The following THEMIS variants were observed in gnomAD, a reference collection of about 807,000 sequenced individuals.
THEMIS encodes protein THEMIS.
Under a neutral mutation model 52.6 loss-of-function variants are expected in THEMIS, and 37 were observed. The ratio of observed to expected loss-of-function variants is 0.70; its 90% CI spans 0.54 to 0.93. THEMIS has a LOEUF of 0.93. THEMIS is among the 40% of genes least tolerant of loss of function. The pLI is 0.00. For synonymous variants in THEMIS, 292 were observed against 272.7 expected, an observed-to-expected ratio of 1.07 and a Z score of -0.70; for missense variants, 808 against 763.1, an observed-to-expected ratio of 1.06 and a Z score of -0.69.
chr6:127,892,238 C>G (rs1391429234), intron 1 of THEMIS, among the ~76,000 whole-genome samples: 1 of 152,164 alleles, frequency 6.6e-6, no homozygotes, highest in East Asian at 1.9e-4. Context: ...CTTATCCAGA[C>G]CAAGCAAGCT....
At chr6:127,891,538 C>CAAAAAAAAAAA (rs67886431) in intron 1 of THEMIS, among the ~76,000 whole-genome samples, 24 of 96,826 alleles carry the variant, frequency 2.5e-4, no homozygotes, top group Non-Finnish European at 3.7e-4. Flanking sequence ...TCCAGCTCAA[C>CAAAAAAAAAAA]AAAAAAAAAA....
intron 1 of THEMIS, among the ~76,000 whole-genome samples, chr6:127,907,429 T>A (rs1267634689): frequency 6.9e-6 from 1 of 144,012 alleles, no homozygotes; most frequent in Non-Finnish European, 1.5e-5. Context: ...AAGATTTGTA[T>A]CTCATAGATT....
intron 1 of THEMIS, among the ~76,000 whole-genome samples, chr6:127,870,909 C>A (rs6925608): frequency 0.014 from 2,175 of 152,190 alleles, 54 homozygotes; most frequent in African/African-American, 0.05. Flanking sequence ...CTTCAACACC[C>A]CTCTTTCAAC....
intron 1 of THEMIS, among the ~76,000 whole-genome samples, chr6:127,877,959 G>C (rs959202382): frequency 6.6e-6 from 1 of 152,194 alleles, no homozygotes; most frequent in Non-Finnish European, 1.5e-5. Flanking sequence ...GAAAATGCTA[G>C]TTCTCATTTG....
At chr6:127,736,851 C>CAAAAAAAA (rs3057968) in intron 4 of THEMIS, among the ~76,000 whole-genome samples, 8 of 104,850 alleles carry the variant, frequency 7.6e-5, no homozygotes, top group African/African-American at 1.1e-4. Flanking sequence ...ACCAAATGAT[C>CAAAAAAAA]AAAAAAAAAA....
At chr6:127,730,153 G>C (rs1308526313) in intron 4 of THEMIS, among the ~76,000 whole-genome samples, 2 of 151,864 alleles carry the variant, frequency 1.3e-5, no homozygotes, top group Non-Finnish European at 2.9e-5. Context: ...TGTAGTCCCA[G>C]CTACTCAGGA....
At chr6:127,754,727 T>C (rs1775762683) in intron 4 of THEMIS, among the ~76,000 whole-genome samples, 4 of 152,014 alleles carry the variant, frequency 2.6e-5, no homozygotes, top group Admixed American at 2.6e-4. Context: ...AAAGAGGAGT[T>C]AATATAAGGA....
chr6:127,706,188 A>G (rs980892108), downstream of THEMIS, among the ~76,000 whole-genome samples: 4 of 151,804 alleles, frequency 2.6e-5, no homozygotes, highest in African/African-American at 9.7e-5. Flanking sequence ...CCTTGATGTA[A>G]TATTTTATAT....
At chr6:127,741,640 T>A (rs552269062) in intron 4 of THEMIS, among the ~76,000 whole-genome samples, 76 of 152,342 alleles carry the variant, frequency 5.0e-4, no homozygotes, top group African/African-American at 1.8e-3. Context: ...CCTGTGGAAG[T>A]CATTTATGGT....
In THEMIS at chr6:127,787,922, TA is replaced by T. The variant is rs569157899; in HGVS notation, c.1758+24960del. On this transcript the variant is annotated intron_variant, in intron 4 of 5. Coordinates refer to ENST00000368248, the MANE Select transcript of THEMIS (RefSeq NM_001010923.3). ...ATAGATAGATAGATAGATAGATAAA[TA>T]GATGCTCTTCTGGTAATAAACACAA... is the stretch of plus-strand genomic sequence containing the variant. 5.9e-5 allele frequency among the ~76,000 whole-genome samples: 9 copies of T among 152,114 alleles called. No homozygotes were observed. In the East Asian group the frequency reaches 1.5e-3, roughly 26 times the overall value.
chr6:127,727,776 C>CAT (rs1057258490), intron 4 of THEMIS, among the ~76,000 whole-genome samples: 10 of 152,002 alleles, frequency 6.6e-5, no homozygotes, highest in African/African-American at 2.4e-4. Flanking sequence ...ATATAAAATG[C>CAT]ATGCTCTGTT....
At chr6:127,846,485 T>C (rs1296511840) in intron 2 of THEMIS, among the ~76,000 whole-genome samples, 1 of 151,692 alleles carries the variant, frequency 6.6e-6, no homozygotes, top group Admixed American at 6.6e-5. Context: ...AAATACAAAA[T>C]ATCATTCAAA....
At chr6:127,854,527 G>T (rs1323805574) in intron 2 of THEMIS, among the ~76,000 whole-genome samples, 2 of 151,672 alleles carry the variant, frequency 1.3e-5, no homozygotes, top group African/African-American at 4.8e-5. Flanking sequence ...CTTCTAGATG[G>T]CATGATATTT....
chr6:127,875,079 A>G (rs1780273479), intron 1 of THEMIS, among the ~76,000 whole-genome samples: 1 of 152,216 alleles, frequency 6.6e-6, no homozygotes, highest in Non-Finnish European at 1.5e-5. Context: ...TCTGATGATA[A>G]ATGTAGTGTG....
intron 4 of THEMIS, among the ~76,000 whole-genome samples, chr6:127,764,670 C>A (rs1776133817): frequency 6.6e-6 from 1 of 152,000 alleles, no homozygotes; most frequent in Non-Finnish European, 1.5e-5. Flanking sequence ...GATAACCAGA[C>A]TATGGCTCAA....
intron 4 of THEMIS, among the ~76,000 whole-genome samples, chr6:127,729,277 C>T (rs975233557): frequency 6.6e-6 from 1 of 151,488 alleles, no homozygotes; most frequent in South Asian, 2.1e-4. Context: ...CTACTTGTTT[C>T]TGACATACAT....
chr6:127,846,266 G>T (rs1468002712), intron 2 of THEMIS, among the ~76,000 whole-genome samples: 1 of 151,868 alleles, frequency 6.6e-6, no homozygotes, highest in South Asian at 2.1e-4. Flanking sequence ...TTATACAATT[G>T]CCACATTATA....
chr6:127,808,672 G>C (rs956769185), intron 4 of THEMIS, among the ~76,000 whole-genome samples: 2 of 152,124 alleles, frequency 1.3e-5, no homozygotes, highest in Admixed American at 1.3e-4. Context: ...CATAGGTCTT[G>C]AAGTAGGCTA....
At chr6:127,818,996 C>G (rs777309296) in intron 3 of THEMIS, among the ~76,000 whole-genome samples, 1 of 150,864 alleles carries the variant, frequency 6.6e-6, no homozygotes, top group African/African-American at 2.4e-5. Context: ...GGCATGCACC[C>G]GTAGTCCCAG....
Sources: gnomAD v4.1 joint callset for allele counts (sites outside exome capture counted in the v4.1 genomes callset) on GRCh38, gnomAD v4.1.1 for gene constraint, MANE v1.5 for transcripts, NCBI Gene and HGNC (gene_info 2026-07-23, HGNC 2026-07-21) for gene names.